CCNY: variants seen among roughly 807,000 people sequenced by gnomAD.
CCNY encodes cyclin-Y.
CCNY carries 19 observed loss-of-function variants against 42.8 expected under a neutral mutation model. That is an observed-to-expected ratio of 0.44 (90% confidence interval 0.31 to 0.65). The LOEUF is 0.65. Among genes scored for constraint, CCNY ranks in the 30% least tolerant of loss-of-function variants. The pLI, the probability that CCNY is intolerant of heterozygous loss-of-function variation, is 0.07. For missense variants in CCNY, 370 were observed against 437.3 expected (o/e 0.85, Z 1.37); for synonymous variants, 165 against 162.7 (o/e 1.01, Z -0.11).
chr10:35,538,287 C>T (rs924483967), intron 7 of CCNY, among the ~76,000 whole-genome samples: 2 of 152,160 alleles, frequency 1.3e-5, no homozygotes, highest in Non-Finnish European at 2.9e-5. Context: ...TGGACTGATA[C>T]AGTTTATATG....
intron 1 of CCNY, among the ~76,000 whole-genome samples, chr10:35,478,278 G>GA (rs1389796113): frequency 6.6e-6 from 1 of 150,658 alleles, no homozygotes; most frequent in Non-Finnish European, 1.5e-5. Flanking sequence ...CACAGAATTG[G>GA]AAAAAACTAC....
intron 8 of CCNY, among the ~76,000 whole-genome samples, chr10:35,564,226 C>T (rs1470011307): frequency 2.6e-5 from 4 of 152,054 alleles, no homozygotes; most frequent in South Asian, 4.2e-4. Context: ...ACATTTGGAG[C>T]TTGTTATCAC....
Position 35,300,301 on chromosome 10 carries a change from C to T in CCNY, c.-9+49675C>T, listed in dbSNP as rs148989876. On this transcript the variant is annotated intron_variant, in intron 3 of 11. Coordinates refer to the CCNY transcript ENST00000374706. ...TCATCAAAGCAGCAAGGCTGCCACG[C>T]CCTGCCTGAGATGCCACGCCCTGCC... is the stretch of plus-strand genomic sequence containing the variant. Among the ~76,000 whole-genome samples, 261 of 152,208 alleles carry T rather than the reference C, an allele frequency of 1.7e-3. 1 individual carries two copies. Among genetic ancestry groups the T allele is most frequent in the Non-Finnish European group, 2.5e-3 (170 of 68,018 alleles).
At chr10:35,327,299 G>A (rs917415592) in intron 3 of CCNY, among the ~76,000 whole-genome samples, 1 of 151,980 alleles carries the variant, frequency 6.6e-6, no homozygotes, top group Non-Finnish European at 1.5e-5. Flanking sequence ...ACAATATTTC[G>A]TGGCTTTCTT....
Position 35,553,046 on chromosome 10 carries a change from G to A in CCNY, c.607G>A (p.Ala203Thr), listed in dbSNP as rs377568126. The stretch of plus-strand genomic sequence containing the variant: ...GTACCTTGAAAGACTTTTAACATAC[G>A]CAGAGATAGATATCTGTCCGGCCAA... ...LVYLERLLTY[A>T]EIDICPANWK... The change falls in exon 8 of 10, where the codon GCA becomes ACA. Residue 203 changes from alanine (A) to threonine (T), a missense_variant. Physicochemically the swap from Ala to Thr is moderately conservative, Grantham distance 58. This residue lies in a region of CCNY where 234 missense variants were observed against 313.1 expected (regional missense o/e 0.75). Coordinates refer to ENST00000374704, the MANE Select transcript of CCNY (RefSeq NM_145012.6). The A allele has an allele frequency of 3.1e-6, 5 of 1,613,990 alleles. No individual in the cohort carries two copies. The African/African-American group carries it at 4.0e-5, about 13-fold the overall frequency.
intron 3 of CCNY, among the ~76,000 whole-genome samples, chr10:35,275,144 A>G (rs1053339737): frequency 9.0e-5 from 13 of 144,460 alleles, no homozygotes; most frequent in African/African-American, 2.6e-4. Flanking sequence ...GCTCACTGCA[A>G]TCTCAGCCTC....
chr10:35,391,656 C>T (rs541611139), intron 1 of CCNY, among the ~76,000 whole-genome samples: 2 of 152,162 alleles, frequency 1.3e-5, no homozygotes, highest in African/African-American at 4.8e-5. Context: ...AGTTTTTAGT[C>T]TTCTCATCTT....
At chr10:35,511,188 C>T (rs1403520490) in intron 3 of CCNY, among the ~76,000 whole-genome samples, 4 of 152,194 alleles carry the variant, frequency 2.6e-5, no homozygotes, top group Non-Finnish European at 4.4e-5. Context: ...TGGAGGCAGA[C>T]GACTTCCCAC....
upstream of CCNY, among the ~76,000 whole-genome samples, chr10:35,333,104 T>A (rs1471437144): frequency 6.6e-6 from 1 of 151,788 alleles, no homozygotes; most frequent in African/African-American, 2.4e-5. Context: ...AGTGGTACAA[T>A]CATAGCTCAC....
chr10:35,528,244 A>G (rs1457820533), intron 5 of CCNY, among the ~76,000 whole-genome samples: 1 of 152,218 alleles, frequency 6.6e-6, no homozygotes, highest in Non-Finnish European at 1.5e-5. Flanking sequence ...TTTGTAGCCC[A>G]GGTTGGTATC....
chr10:35,384,774 G>A (rs1837268035), intron 1 of CCNY, among the ~76,000 whole-genome samples: 1 of 152,162 alleles, frequency 6.6e-6, no homozygotes, highest in Non-Finnish European at 1.5e-5. Flanking sequence ...GACCCTTTCA[G>A]TTTAGGTTTG....
At chr10:35,406,318 G>T (rs1309488520) in intron 1 of CCNY, among the ~76,000 whole-genome samples, 1 of 151,458 alleles carries the variant, frequency 6.6e-6, no homozygotes, top group Non-Finnish European at 1.5e-5. Context: ...TGGAGGGAAG[G>T]TCAGCAGACA....
At chr10:35,456,507 G>T (rs1316182693) in intron 1 of CCNY, among the ~76,000 whole-genome samples, 1 of 152,174 alleles carries the variant, frequency 6.6e-6, no homozygotes, top group East Asian at 1.9e-4. Flanking sequence ...ATCTTCCAGG[G>T]TAGCTTTTCT....
chr10:35,420,564 G>A (rs1838137479), intron 1 of CCNY, among the ~76,000 whole-genome samples: 1 of 152,180 alleles, frequency 6.6e-6, no homozygotes, highest in Admixed American at 6.5e-5. Context: ...ACCTGATGGG[G>A]ATTCTGGAGA....
chr10:35,268,193 C>A (rs2095727579), intron 3 of CCNY, among the ~76,000 whole-genome samples: 1 of 152,090 alleles, frequency 6.6e-6, no homozygotes, highest in Non-Finnish European at 1.5e-5. Context: ...CTGTGCAGGG[C>A]CCCTTGGTTC....
intron 3 of CCNY, among the ~76,000 whole-genome samples, chr10:35,285,386 C>A (rs150265012): frequency 8.2e-4 from 125 of 152,182 alleles, no homozygotes; most frequent in Middle Eastern, 6.8e-3. Context: ...TCGTAGACAG[C>A]ATGTATTTGG....
intron 2 of CCNY, among the ~76,000 whole-genome samples, chr10:35,484,480 A>G (rs1839742011): frequency 6.6e-6 from 1 of 152,188 alleles, no homozygotes; most frequent in Admixed American, 6.5e-5. Flanking sequence ...CCAAGAATAA[A>G]TTAGTATAGG....
At chr10:35,457,324 C>T (rs549082072) in intron 1 of CCNY, among the ~76,000 whole-genome samples, 15 of 152,258 alleles carry the variant, frequency 9.9e-5, no homozygotes, top group African/African-American at 3.6e-4. Context: ...GCTTCAGTCC[C>T]GTCGCAGCCT....
chr10:35,560,879 G>A (rs549471777), intron 8 of CCNY, among the ~76,000 whole-genome samples: 1 of 152,318 alleles, frequency 6.6e-6, no homozygotes, highest in South Asian at 2.1e-4. Context: ...ATGGCTGAGG[G>A]AAAATCATGA....
Sources: gnomAD v4.1 joint callset for allele counts (sites outside exome capture counted in the v4.1 genomes callset) on GRCh38, gnomAD v4.1.1 for gene constraint, gnomAD v4.1.1 regional missense constraint, MANE v1.5 for transcripts, NCBI Gene and HGNC (gene_info 2026-07-23, HGNC 2026-07-21) for gene names.